The following CACNA2D3 variants were observed in gnomAD, a reference collection of about 807,000 sequenced individuals.
CACNA2D3 encodes calcium voltage-gated channel auxiliary subunit alpha2delta 3, also known as voltage-dependent calcium channel subunit alpha-2/delta-3.
A neutral mutation model predicts 160.6 loss-of-function variants in CACNA2D3; 60 were observed. That is an observed-to-expected ratio of 0.37 (90% CI 0.30 to 0.46). CACNA2D3 has a LOEUF of 0.46. Among genes scored for constraint, CACNA2D3 ranks in the 20% least tolerant of loss-of-function variants. The probability of loss-of-function intolerance (pLI) is 1.00; values close to 1 mark genes in which losing one functional copy is unlikely to be tolerated. For synonymous variants in CACNA2D3, 558 were observed against 492.9 expected (o/e 1.13, Z -1.75); for missense variants, 1,205 against 1,365.0 (o/e 0.88, Z 1.85).
chr3:54,822,774 C>CT lies in CACNA2D3; in HGVS notation c.1398+5907dup, dbSNP rs1252942940. Among the ~76,000 whole-genome samples, 152 of 85,884 alleles carry CT rather than the reference C, an allele frequency of 1.8e-3. 1 individual carries two copies. Among genetic ancestry groups the CT allele is most frequent in the Non-Finnish European group, 2.5e-3 (109 of 44,156 alleles). The allele number at this position is 85,884 out of a possible 152,430, so 56.3% of individuals were successfully genotyped here. A position where few individuals can be genotyped will look rare whatever the true frequency, so the allele number is the denominator to read the frequency against. On this transcript the variant is annotated intron_variant, in intron 14 of 37. Coordinates refer to ENST00000474759, the MANE Select transcript of CACNA2D3 (RefSeq NM_018398.3). ...TCTTTCTTTCTTTCTTTCTTTCTTT[C>CT]TTTCTTTCTTTCTTTCCTTTCTTTC... is the stretch of plus-strand genomic sequence containing the variant.
chr3:54,455,869 G>T (rs920676817), intron 4 of CACNA2D3, among the ~76,000 whole-genome samples: 11 of 151,992 alleles, frequency 7.2e-5, no homozygotes, highest in African/African-American at 2.7e-4. Flanking sequence ...ACCTTTGTGG[G>T]AAATCAGCTG....
At chr3:54,705,249 G>T (rs1419206165) in intron 11 of CACNA2D3, among the ~76,000 whole-genome samples, 1 of 151,992 alleles carries the variant, frequency 6.6e-6, no homozygotes, top group Non-Finnish European at 1.5e-5. Context: ...TCCTTCTCTA[G>T]GGGTCACATT....
intron 4 of CACNA2D3, among the ~76,000 whole-genome samples, chr3:54,439,709 G>A (rs975779862): frequency 6.6e-6 from 1 of 152,104 alleles, no homozygotes; most frequent in African/African-American, 2.4e-5. Flanking sequence ...GCATGGCTTG[G>A]GGGAGGCAGT....
intron 12 of CACNA2D3, among the ~76,000 whole-genome samples, chr3:54,753,498 G>T (rs1048820129): frequency 1.3e-5 from 2 of 152,138 alleles, no homozygotes; most frequent in Non-Finnish European, 2.9e-5. Context: ...CATCAGCCTG[G>T]GTCCCTGAGT....
At chr3:54,244,412 TTTG>T (rs1559893954) in intron 2 of CACNA2D3, among the ~76,000 whole-genome samples, 3 of 152,196 alleles carry the variant, frequency 2.0e-5, no homozygotes. Flanking sequence ...CACAGTAATA[TTTG>T]TTGTTATTAA....
intron 11 of CACNA2D3, among the ~76,000 whole-genome samples, chr3:54,729,393 T>G (rs1219719234): frequency 6.6e-6 from 1 of 152,232 alleles, no homozygotes; most frequent in Non-Finnish European, 1.5e-5. Context: ...GTTCTCAGTA[T>G]TAGGATTCAT....
At chr3:54,421,938 T>G (rs1699841889) in intron 4 of CACNA2D3, among the ~76,000 whole-genome samples, 1 of 152,210 alleles carries the variant, frequency 6.6e-6, no homozygotes. Context: ...ACCGAGAGCC[T>G]TATGAATCAC....
chr3:54,141,462 G>T (rs1213199297), intron 2 of CACNA2D3, among the ~76,000 whole-genome samples: 2 of 152,178 alleles, frequency 1.3e-5, no homozygotes, highest in Non-Finnish European at 2.9e-5. Flanking sequence ...AAACTTTACT[G>T]CTCATCTGCT....
intron 6 of CACNA2D3, among the ~76,000 whole-genome samples, chr3:54,565,862 C>A (rs1702401682): frequency 6.6e-6 from 1 of 152,210 alleles, no homozygotes; most frequent in African/African-American, 2.4e-5. Flanking sequence ...GAACTCTACC[C>A]TGAAATCCTG....
chr3:54,310,418 G>A (rs1703711409), intron 2 of CACNA2D3, among the ~76,000 whole-genome samples: 1 of 152,192 alleles, frequency 6.6e-6, no homozygotes, highest in African/African-American at 2.4e-5. Flanking sequence ...TCTGTAAGGA[G>A]AGACTGCAGA....
intron 2 of CACNA2D3, among the ~76,000 whole-genome samples, chr3:54,178,136 G>T (rs1487551500): frequency 6.6e-6 from 1 of 152,160 alleles, no homozygotes; most frequent in African/African-American, 2.4e-5. Context: ...GAGAGGAGCT[G>T]TCCAGACCCT....
At chr3:54,940,331 T>C (rs1280173723) in intron 27 of CACNA2D3, among the ~76,000 whole-genome samples, 3 of 152,246 alleles carry the variant, frequency 2.0e-5, no homozygotes, top group South Asian at 2.1e-4. Context: ...TCTAAAAATA[T>C]ATTCAACTTC....
intron 5 of CACNA2D3, among the ~76,000 whole-genome samples, chr3:54,546,365 G>A (rs1702064679): frequency 6.6e-6 from 1 of 152,062 alleles, no homozygotes; most frequent in Non-Finnish European, 1.5e-5. Context: ...CCTTATATTG[G>A]GAAGACACCT....
chr3:54,556,788 G>C (rs778166831), intron 5 of CACNA2D3, among the ~76,000 whole-genome samples: 2 of 152,154 alleles, frequency 1.3e-5, no homozygotes, highest in Non-Finnish European at 2.9e-5. Context: ...AAACAAATCA[G>C]CTCAGCCACC....
intron 2 of CACNA2D3, among the ~76,000 whole-genome samples, chr3:54,295,504 G>C (rs1329547672): frequency 3.3e-5 from 5 of 152,194 alleles, no homozygotes. Flanking sequence ...ATATATGTAG[G>C]ATGTACCTTG....
At chr3:54,763,158 A>G (rs1702114866) in intron 12 of CACNA2D3, among the ~76,000 whole-genome samples, 1 of 152,026 alleles carries the variant, frequency 6.6e-6, no homozygotes, top group African/African-American at 2.4e-5. Context: ...ACTGGGGACC[A>G]CATCATGATA....
intron 2 of CACNA2D3, among the ~76,000 whole-genome samples, chr3:54,264,248 T>A (rs1163688142): frequency 1.3e-5 from 2 of 152,222 alleles, no homozygotes; most frequent in Non-Finnish European, 2.9e-5. Flanking sequence ...TGTCCTTGTA[T>A]CACTTCTGTG....
intron 14 of CACNA2D3, among the ~76,000 whole-genome samples, chr3:54,831,690 T>C (rs1231153208): frequency 6.6e-6 from 1 of 152,218 alleles, no homozygotes. Context: ...ATCTTGGGAA[T>C]GTTGGTACCC....
At chr3:54,970,633 C>T in intron 29 of CACNA2D3, among the ~76,000 whole-genome samples, 1 of 130,056 alleles carries the variant, frequency 7.7e-6, no homozygotes, top group African/African-American at 3.0e-5. Context: ...CTCCTCTCCT[C>T]TTTTTCTCTC....
Sources: gnomAD v4.1 joint callset for allele counts (sites outside exome capture counted in the v4.1 genomes callset) on GRCh38, gnomAD v4.1.1 for gene constraint, MANE v1.5 for transcripts, NCBI Gene and HGNC (gene_info 2026-07-23, HGNC 2026-07-21) for gene names.